The following EGFLAM variants were observed in gnomAD, a reference collection of about 807,000 sequenced individuals.
The protein encoded by EGFLAM is EGF like, fibronectin type III and laminin G domains.
A neutral mutation model predicts 113.1 loss-of-function variants in EGFLAM; 79 were observed. That is an observed-to-expected ratio of 0.70 (90% CI 0.58 to 0.84). EGFLAM has a LOEUF of 0.84. EGFLAM is among the 40% of genes least tolerant of loss of function. The pLI, the probability that EGFLAM is intolerant of heterozygous loss-of-function variation, is 0.00. For missense variants in EGFLAM, 1,265 were observed against 1,291.6 expected (o/e 0.98, Z 0.32); for synonymous variants, 504 against 487.6 (o/e 1.03, Z -0.44).
At chr5:38,449,647 T>C (rs1204697917) in intron 18 of EGFLAM, among the ~76,000 whole-genome samples, 1 of 151,296 alleles carries the variant, frequency 6.6e-6, no homozygotes, top group Non-Finnish European at 1.5e-5. Context: ...AGGGCCATAG[T>C]GTGTGTGTAT....
intron 19 of EGFLAM, among the ~76,000 whole-genome samples, chr5:38,453,781 T>C (rs962200788): frequency 1.3e-5 from 2 of 152,162 alleles, no homozygotes; most frequent in African/African-American, 4.8e-5. Flanking sequence ...GAAGCTCAGC[T>C]GTGGGTGGGA....
intron 1 of EGFLAM, among the ~76,000 whole-genome samples, chr5:38,327,512 A>G (rs138337189): frequency 3.3e-4 from 50 of 152,352 alleles, no homozygotes; most frequent in African/African-American, 1.2e-3. Flanking sequence ...AAATGAACAT[A>G]TTAAATAACT....
chr5:38,314,373 C>T (rs1418826186), intron 1 of EGFLAM, among the ~76,000 whole-genome samples: 1 of 152,152 alleles, frequency 6.6e-6, no homozygotes, highest in Non-Finnish European at 1.5e-5. Flanking sequence ...GTTTTAATTA[C>T]AGTTAAAGGG....
chr5:38,387,120 T>A (rs555756557), intron 6 of EGFLAM, among the ~76,000 whole-genome samples: 1 of 152,134 alleles, frequency 6.6e-6, no homozygotes, highest in Admixed American at 6.5e-5. Context: ...CTGGGCTGAG[T>A]GTGGAGGGAG....
At chr5:38,350,670 C>T in intron 4 of EGFLAM, 52 bp downstream of exon 4, 1 of 1,522,348 alleles carries the variant, frequency 6.6e-7, no homozygotes, top group African/African-American at 1.4e-5. Flanking sequence ...TCCATGCATC[C>T]TTCATTCAGC....
chr5:38,436,269 T>C (rs1489105916), intron 16 of EGFLAM, among the ~76,000 whole-genome samples: 1 of 152,212 alleles, frequency 6.6e-6, no homozygotes, highest in African/African-American at 2.4e-5. Flanking sequence ...AAAGCATGTT[T>C]AGTTCCTGGG....
In EGFLAM at chr5:38,438,338, A is replaced by C; in HGVS notation, c.2347A>C (p.Asn783His). Reference protein sequence around the residue: ...HDFTSGVNVENAAHPCVRAPC... With the variant: ...HDFTSGVNVEHAAHPCVRAPC... ...CTTCACCTCCGGAGTGAATGTGGAG[A>C]ATGCGGCCCACCCCTGTGTGAGAGC... Residue 783 changes from asparagine (N) to histidine (H), a missense_variant, in exon 17 of 22, where the codon AAT becomes CAT. Asn to His is a moderately conservative substitution (Grantham distance 68). Transcript: ENST00000322350. The C allele has an allele frequency of 6.2e-7, 1 of 1,614,048 alleles. No homozygotes were observed. The highest frequency in any genetic ancestry group is 8.5e-7 in the Non-Finnish European group (1 of 1,179,982).
chr5:38,457,180 C>A (rs1181175840), intron 19 of EGFLAM, among the ~76,000 whole-genome samples: 1 of 152,158 alleles, frequency 6.6e-6, no homozygotes, highest in African/African-American at 2.4e-5. Flanking sequence ...TGATTTTAGG[C>A]AAATTCCCTT....
intron 12 of EGFLAM, among the ~76,000 whole-genome samples, chr5:38,422,690 A>G (rs78733938): frequency 0.015 from 2,290 of 152,318 alleles, 51 homozygotes; most frequent in African/African-American, 0.051. Flanking sequence ...ATGACTTCAA[A>G]GTAGCAACAA....
intron 1 of EGFLAM, among the ~76,000 whole-genome samples, chr5:38,262,771 G>A (rs1464088940): frequency 7.9e-5 from 12 of 152,170 alleles, no homozygotes; most frequent in Admixed American, 7.9e-4. Flanking sequence ...AGGCTATTAT[G>A]AATAAAGTTC....
chr5:38,273,310 C>T (rs1757811515), intron 1 of EGFLAM, among the ~76,000 whole-genome samples: 1 of 152,240 alleles, frequency 6.6e-6, no homozygotes, highest in Non-Finnish European at 1.5e-5. Flanking sequence ...TACCCACAGA[C>T]ATAGCCCCTA....
chr5:38,368,817 C>T (rs1740133638), intron 5 of EGFLAM, among the ~76,000 whole-genome samples: 1 of 151,776 alleles, frequency 6.6e-6, no homozygotes, highest in Non-Finnish European at 1.5e-5. Context: ...TGACCTTGGG[C>T]AAGTTACTTA....
chr5:38,271,607 C>T (rs984010643), intron 1 of EGFLAM, among the ~76,000 whole-genome samples: 5 of 152,198 alleles, frequency 3.3e-5, no homozygotes, highest in Admixed American at 3.3e-4. Flanking sequence ...TGATCTGACC[C>T]CTTGGAATAT....
At position 38,338,141 on chromosome 5, in the gene EGFLAM, C is replaced by G. The variant is rs13186959; in HGVS notation, c.207+512C>G. On this transcript the variant is annotated intron_variant, in intron 2 of 21. Coordinates refer to ENST00000322350, the MANE Select transcript of EGFLAM (RefSeq NM_152403.4). Reference sequence around the variant, plus strand: ...ATGAGTCAACTTTGAGAAGTCAAGACATTTCACATAATTGTTTGGAGTTGT... The same window carrying G: ...ATGAGTCAACTTTGAGAAGTCAAGAGATTTCACATAATTGTTTGGAGTTGT... 6.2e-4 allele frequency among the ~76,000 whole-genome samples: 94 copies of G among 152,138 alleles called. 1 individual carries two copies. The highest frequency in any genetic ancestry group is 5.6e-4 in the Non-Finnish European group (38 of 68,022).
At chr5:38,382,975 A>G (rs1414894636) in intron 6 of EGFLAM, among the ~76,000 whole-genome samples, 1 of 152,212 alleles carries the variant, frequency 6.6e-6, no homozygotes, top group East Asian at 1.9e-4. Flanking sequence ...CATGCCAGCC[A>G]CAGCTGCTCA....
intron 20 of EGFLAM, among the ~76,000 whole-genome samples, chr5:38,461,889 G>C (rs1329070642): frequency 2.6e-5 from 4 of 152,096 alleles, no homozygotes; most frequent in Non-Finnish European, 4.4e-5. Context: ...CCACTGGCCG[G>C]GTGCAGTGGC....
chr5:38,315,385 T>C (rs1484458946), intron 1 of EGFLAM, among the ~76,000 whole-genome samples: 1 of 152,228 alleles, frequency 6.6e-6, no homozygotes, highest in Non-Finnish European at 1.5e-5. Context: ...TCATAAGTCC[T>C]GATAGGCACC....
intron 6 of EGFLAM, among the ~76,000 whole-genome samples, chr5:38,393,983 G>A (rs1740885591): frequency 6.6e-6 from 1 of 152,158 alleles, no homozygotes; most frequent in African/African-American, 2.4e-5. Context: ...AAGGGAGGCT[G>A]GAAAGGAGAT....
chr5:38,343,920 C>T (rs981388259), intron 3 of EGFLAM, among the ~76,000 whole-genome samples: 2 of 152,226 alleles, frequency 1.3e-5, no homozygotes, highest in Non-Finnish European at 2.9e-5. Context: ...CAAGACCACA[C>T]AGCTAGGTTA....
Sources: gnomAD v4.1 joint callset for allele counts (sites outside exome capture counted in the v4.1 genomes callset) on GRCh38, gnomAD v4.1.1 for gene constraint, MANE v1.5 for transcripts, NCBI Gene and HGNC (gene_info 2026-07-23, HGNC 2026-07-21) for gene names.